C1GALT1: variants seen among roughly 807,000 people sequenced by gnomAD.
The protein encoded by C1GALT1 is core 1 synthase, glycoprotein-N-acetylgalactosamine 3-beta-galactosyltransferase 1.
C1GALT1 carries 11 observed loss-of-function variants against 31.0 expected under a neutral mutation model. The ratio of observed to expected loss-of-function variants is 0.36; its 90% CI spans 0.22 to 0.59. The LOEUF is 0.59. C1GALT1 is among the 20% of genes least tolerant of loss of function. C1GALT1 has a pLI of 0.79. For missense variants in C1GALT1, 424 were observed against 425.2 expected (o/e 1.00, Z 0.03); for synonymous variants, 175 against 143.6 (o/e 1.22, Z -1.56).
intron 1 of C1GALT1, among the ~76,000 whole-genome samples, chr7:7,232,789 C>T (rs971091289): frequency 6.6e-6 from 1 of 152,252 alleles, no homozygotes; most frequent in South Asian, 2.1e-4. Flanking sequence ...CACGCCCAGC[C>T]GGGCATGGGC....
At chr7:7,159,694 T>A (rs1780313589) in intron 2 of C1GALT1, among the ~76,000 whole-genome samples, 1 of 152,194 alleles carries the variant, frequency 6.6e-6, no homozygotes, top group African/African-American at 2.4e-5. Context: ...TTTTTACACG[T>A]AGATTTTCTT....
intron 1 of C1GALT1, among the ~76,000 whole-genome samples, chr7:7,201,623 G>C (rs112649763): frequency 1.3e-5 from 2 of 152,302 alleles, no homozygotes; most frequent in African/African-American, 4.8e-5. Flanking sequence ...GCAGTAACAG[G>C]CCTCACCCAG....
At chr7:7,176,396 T>A (rs2128227805) in intron 2 of C1GALT1, among the ~76,000 whole-genome samples, 1 of 152,350 alleles carries the variant, frequency 6.6e-6, no homozygotes, top group African/African-American at 2.4e-5. Flanking sequence ...CCTTTGGGAT[T>A]TCAAACTAAA....
rs1783737245 is a variant in C1GALT1, at chr7:7,243,794, T to C, written c.*67T>C. On this transcript the variant is annotated 3_prime_UTR_variant, in exon 4 of 4. Coordinates refer to ENST00000436587, the MANE Select transcript of C1GALT1 (RefSeq NM_020156.5). ...CACTGAAAAAGGACTTCTGCATTTC[T>C]GACATAGAACACTGGAATCCCAGTG... 4 of 1,193,648 alleles carry C rather than the reference T, an allele frequency of 3.4e-6. No homozygotes were observed. 73.9% of individuals were successfully genotyped at this position (1,193,648 alleles called of 1,614,324 possible). A position where few individuals can be genotyped will look rare whatever the true frequency, so the allele number is the denominator to read the frequency against.
intron 2 of C1GALT1, among the ~76,000 whole-genome samples, chr7:7,171,425 T>C (rs988273002): frequency 6.6e-6 from 1 of 152,148 alleles, no homozygotes; most frequent in Non-Finnish European, 1.5e-5. Flanking sequence ...ATAGCCTCCT[T>C]GGCTCTCTTT....
At chr7:7,213,309 A>G (rs919511441) in intron 1 of C1GALT1, among the ~76,000 whole-genome samples, 2 of 152,218 alleles carry the variant, frequency 1.3e-5, no homozygotes, top group African/African-American at 4.8e-5. Context: ...AGTTAAAAAC[A>G]TGACTGATAA....
chr7:7,218,923 TC>T (rs1273848086), intron 1 of C1GALT1, among the ~76,000 whole-genome samples: 5 of 151,276 alleles, frequency 3.3e-5, no homozygotes, highest in Non-Finnish European at 7.4e-5. Flanking sequence ...AAGCTCCGCC[TC>T]CGCAGTTCAC....
chr7:7,194,581 T>C (rs1358453367), intron 1 of C1GALT1, among the ~76,000 whole-genome samples: 1 of 152,150 alleles, frequency 6.6e-6, no homozygotes, highest in African/African-American at 2.4e-5. Flanking sequence ...AGCTAGTATT[T>C]TGTTGAGGAT....
chr7:7,224,236 C>T (rs889207703), intron 1 of C1GALT1, among the ~76,000 whole-genome samples: 3 of 150,366 alleles, frequency 2.0e-5, no homozygotes, highest in Admixed American at 1.3e-4. Flanking sequence ...TTCTGTATTT[C>T]TGAGAAGGGT....
At chr7:7,219,709 T>TA (rs1232287470) in intron 1 of C1GALT1, among the ~76,000 whole-genome samples, 6 of 152,220 alleles carry the variant, frequency 3.9e-5, no homozygotes, top group Non-Finnish European at 8.8e-5. Flanking sequence ...AGTTGGCCCT[T>TA]ATCCAATTGA....
intron 1 of C1GALT1, among the ~76,000 whole-genome samples, chr7:7,232,261 A>C (rs73674697): frequency 6.6e-6 from 1 of 152,176 alleles, no homozygotes; most frequent in African/African-American, 2.4e-5. Context: ...ACTTGGTTGT[A>C]CTAAAAGAAC....
At chr7:7,187,489 A>G (rs1410986892) in intron 1 of C1GALT1, among the ~76,000 whole-genome samples, 1 of 152,092 alleles carries the variant, frequency 6.6e-6, no homozygotes, top group African/African-American at 2.4e-5. Context: ...CAGTTTTAAC[A>G]AATTAGTGGA....
chr7:7,187,896 A>G (rs1780892283), intron 1 of C1GALT1, among the ~76,000 whole-genome samples: 1 of 152,190 alleles, frequency 6.6e-6, no homozygotes, highest in Admixed American at 6.5e-5. Flanking sequence ...CTTTATTTAT[A>G]TATCATGTTA....
intron 1 of C1GALT1, among the ~76,000 whole-genome samples, chr7:7,202,189 G>T (rs1284017166): frequency 3.3e-5 from 5 of 152,140 alleles, no homozygotes; most frequent in Non-Finnish European, 7.3e-5. Context: ...AGAGTTTTTT[G>T]GCTGTCTCAG....
intron 1 of C1GALT1, among the ~76,000 whole-genome samples, chr7:7,194,890 G>A (rs1333074756): frequency 6.6e-6 from 1 of 151,936 alleles, no homozygotes; most frequent in African/African-American, 2.4e-5. Context: ...TTTCTTCCTG[G>A]TTTAATCTAG....
intron 1 of C1GALT1, among the ~76,000 whole-genome samples, chr7:7,203,726 C>G (rs566419197): frequency 2.3e-4 from 35 of 151,806 alleles, no homozygotes; most frequent in African/African-American, 8.0e-4. Context: ...AGTCATTGTA[C>G]ATATTTATGG....
chr7:7,203,619 T>C (rs1489828387), intron 1 of C1GALT1, among the ~76,000 whole-genome samples: 1 of 152,176 alleles, frequency 6.6e-6, no homozygotes, highest in East Asian at 1.9e-4. Context: ...TTGAGAATTT[T>C]TACATCACTG....
Position 7,238,725 on chromosome 7 carries a change from A to C in C1GALT1, c.691A>C (p.Lys231Gln). Reference sequence around the variant, plus strand: ...ATTTGTTGATGCATTTAAAACAGACAAGTGTACACATAGTTCCTCCATTGA... The same window carrying C: ...ATTTGTTGATGCATTTAAAACAGACCAGTGTACACATAGTTCCTCCATTGA... ...KRFVDAFKTD[K>Q]CTHSSSIEDL... is the part of the protein sequence containing the mutation. The change falls in exon 3 of 4, where the codon AAG becomes CAG. Residue 231 changes from lysine (K) to glutamine (Q), a missense_variant. Coordinates refer to ENST00000436587, the MANE Select transcript of C1GALT1 (RefSeq NM_020156.5). This position sits in a 1 kb window ranked among gnomAD's most constrained non-coding sequence, Gnocchi z 5.2. The C allele has an allele frequency of 6.2e-7, 1 of 1,613,986 alleles. No individual in the cohort carries two copies. Among genetic ancestry groups the C allele is most frequent in the Non-Finnish European group, 8.5e-7 (1 of 1,179,946 alleles).
chr7:7,185,763 C>A (rs1488914163), intron 1 of C1GALT1, among the ~76,000 whole-genome samples: 1 of 152,206 alleles, frequency 6.6e-6, no homozygotes, highest in South Asian at 2.1e-4. Context: ...TGCAGAGGTA[C>A]TGGAATTAGG....
Sources: allele counts gnomAD v4.1 joint callset (sites outside exome capture counted in the v4.1 genomes callset), GRCh38; gene constraint gnomAD v4.1.1; non-coding constraint Gnocchi (gnomAD v3.1); transcripts MANE v1.5; gene names NCBI Gene and HGNC (gene_info 2026-07-23, HGNC 2026-07-21).